CNTNAP2: variants seen among roughly 807,000 people sequenced by gnomAD.
CNTNAP2 encodes the protein contactin-associated protein-like 2.
CNTNAP2 carries 98 observed loss-of-function variants against 155.2 expected under a neutral mutation model. That is an observed-to-expected ratio of 0.63 (90% confidence interval 0.54 to 0.75). The LOEUF (loss-of-function observed/expected upper bound fraction) is 0.75, where lower values mean the gene tolerates loss of function less well. Ranked by LOEUF, CNTNAP2 falls within the 30% of genes least tolerant of loss-of-function variation. The pLI, the probability that CNTNAP2 is intolerant of heterozygous loss-of-function variation, is 0.00. For missense variants in CNTNAP2, 1,727 were observed against 1,688.1 expected, an observed-to-expected ratio of 1.02 and a Z score of -0.40; for synonymous variants, 651 against 631.2, an observed-to-expected ratio of 1.03 and a Z score of -0.47.
intron 11 of CNTNAP2, among the ~76,000 whole-genome samples, chr7:147,522,674 A>T (rs1398089275): frequency 6.6e-6 from 1 of 151,786 alleles, no homozygotes; most frequent in Admixed American, 6.6e-5. Flanking sequence ...ATTTTGGGGG[A>T]AAAAAGTTTG....
intron 13 of CNTNAP2, among the ~76,000 whole-genome samples, chr7:147,640,142 C>T (rs1330467216): frequency 6.6e-6 from 1 of 151,720 alleles, no homozygotes; most frequent in Non-Finnish European, 1.5e-5. Flanking sequence ...TTGTATATGT[C>T]TTTCGTGTAC....
intron 12 of CNTNAP2, among the ~76,000 whole-genome samples, chr7:147,616,213 A>G (rs773073822): frequency 6.6e-6 from 1 of 152,162 alleles, no homozygotes; most frequent in Non-Finnish European, 1.5e-5. Flanking sequence ...CACTGCCACC[A>G]TCCAAAGTCT....
At chr7:147,026,706 A>G (rs1439876693) in intron 3 of CNTNAP2, among the ~76,000 whole-genome samples, 1 of 151,900 alleles carries the variant, frequency 6.6e-6, no homozygotes, top group African/African-American at 2.4e-5. Flanking sequence ...AGAGAACTTG[A>G]ATAAAACAGA....
At chr7:147,339,223 C>T (rs937770153) in intron 9 of CNTNAP2, among the ~76,000 whole-genome samples, 13 of 151,990 alleles carry the variant, frequency 8.6e-5, no homozygotes, top group Admixed American at 7.2e-4. Flanking sequence ...AAATTTAATC[C>T]CCTATACATC....
At chr7:147,560,752 G>A (rs1466525993) in intron 11 of CNTNAP2, among the ~76,000 whole-genome samples, 2 of 150,740 alleles carry the variant, frequency 1.3e-5, no homozygotes, top group Admixed American at 6.7e-5. Context: ...GGAAATGAGG[G>A]AGGGAGGCAT....
intron 3 of CNTNAP2, among the ~76,000 whole-genome samples, chr7:146,912,477 A>G (rs945115570): frequency 1.2e-4 from 18 of 152,140 alleles, no homozygotes; most frequent in Non-Finnish European, 2.4e-4. Context: ...TAGCTCTCAA[A>G]TAATGTAAGT....
At chr7:148,239,131 T>C (rs1563007196) in intron 20 of CNTNAP2, among the ~76,000 whole-genome samples, 1 of 152,226 alleles carries the variant, frequency 6.6e-6, no homozygotes, top group Non-Finnish European at 1.5e-5. Flanking sequence ...GCCTGGGTTG[T>C]GCAATACAAG....
rs141680049 is a variant in CNTNAP2 at position 146,324,290 on chromosome 7, G to C, written c.97+207317G>C. On this transcript the variant is annotated intron_variant, in intron 1 of 23. Transcript: ENST00000361727. ...CAAAGCAAAACAAAACAAAACAAAAGAAAAAGAGTAAGGCTTAACCTAAGA... is the reference window on the plus strand; with the variant it reads ...CAAAGCAAAACAAAACAAAACAAAACAAAAAGAGTAAGGCTTAACCTAAGA... 3.1e-3 allele frequency among the ~76,000 whole-genome samples: 474 copies of C among 152,106 alleles called. 4 individuals are homozygous for C. In the Middle Eastern group the frequency reaches 0.044, roughly 14 times the overall value.
intron 10 of CNTNAP2, among the ~76,000 whole-genome samples, chr7:147,465,822 TC>T (rs1299462879): frequency 1.1e-4 from 17 of 152,322 alleles, no homozygotes; most frequent in African/African-American, 4.1e-4. Flanking sequence ...GTGCAGTTCT[TC>T]CCTGGTTACT....
At chr7:146,244,731 G>T (rs1314289532) in intron 1 of CNTNAP2, among the ~76,000 whole-genome samples, 1 of 152,120 alleles carries the variant, frequency 6.6e-6, no homozygotes, top group Admixed American at 6.5e-5. Context: ...ACTGTATAGA[G>T]GTGGGAAGGC....
intron 1 of CNTNAP2, among the ~76,000 whole-genome samples, chr7:146,128,747 A>G (rs571078638): frequency 6.6e-6 from 1 of 152,294 alleles, no homozygotes; most frequent in South Asian, 2.1e-4. Context: ...AAGTGCTTAT[A>G]GCTAGGTTAT....
chr7:146,248,803 C>G (rs1390708227), intron 1 of CNTNAP2, among the ~76,000 whole-genome samples: 5 of 152,232 alleles, frequency 3.3e-5, no homozygotes, highest in East Asian at 1.9e-4. Context: ...ATCCGAGTCA[C>G]GGCACCAAAT....
chr7:146,463,894 G>A (rs181964594), intron 1 of CNTNAP2, among the ~76,000 whole-genome samples: 4 of 152,212 alleles, frequency 2.6e-5, no homozygotes, highest in Admixed American at 1.3e-4. Context: ...ACAGAGAAAG[G>A]TTGACATCCT....
intron 13 of CNTNAP2, among the ~76,000 whole-genome samples, chr7:147,746,568 T>G (rs1797045998): frequency 6.6e-6 from 1 of 152,044 alleles, no homozygotes. Flanking sequence ...TTCCTCTGCT[T>G]GTACCACCTA....
chr7:147,330,530 G>T (rs1201448272), intron 9 of CNTNAP2, among the ~76,000 whole-genome samples: 2 of 152,166 alleles, frequency 1.3e-5, no homozygotes, highest in Non-Finnish European at 2.9e-5. Flanking sequence ...TCTGAATTAT[G>T]ATTTTGGAAC....
intron 11 of CNTNAP2, among the ~76,000 whole-genome samples, chr7:147,507,000 G>A (rs1162753462): frequency 6.6e-6 from 1 of 151,746 alleles, no homozygotes; most frequent in African/African-American, 2.4e-5. Flanking sequence ...CTTGTAAGTT[G>A]TTTTCTTAAA....
At chr7:147,602,448 G>C (rs769206795) in intron 12 of CNTNAP2, among the ~76,000 whole-genome samples, 2 of 148,486 alleles carry the variant, frequency 1.3e-5, no homozygotes, top group Admixed American at 6.7e-5. Flanking sequence ...TAATATAAAA[G>C]TTTATTAATG....
At chr7:147,255,222 T>TAC (rs377206800) in intron 8 of CNTNAP2, among the ~76,000 whole-genome samples, 34 of 151,722 alleles carry the variant, frequency 2.2e-4, no homozygotes, top group South Asian at 8.4e-4. Context: ...AAATATTACA[T>TAC]ACACACACAC....
chr7:146,175,060 T>G (rs892732131), intron 1 of CNTNAP2, among the ~76,000 whole-genome samples: 7 of 152,146 alleles, frequency 4.6e-5, no homozygotes, highest in African/African-American at 1.7e-4. Context: ...AATATGAATT[T>G]ATTATATTTT....
Sources: allele counts gnomAD v4.1 joint callset (sites outside exome capture counted in the v4.1 genomes callset), GRCh38; gene constraint gnomAD v4.1.1; transcripts MANE v1.5; gene names NCBI Gene and HGNC (gene_info 2026-07-23, HGNC 2026-07-21).